The following LEPR variants were observed in gnomAD, a reference collection of about 807,000 sequenced individuals.
The protein encoded by LEPR is leptin receptor.
In LEPR, 56 loss-of-function variants were observed where a neutral mutation model predicts 114.7. The observed-to-expected ratio is 0.49, with a 90% confidence interval of 0.39 to 0.61. The LOEUF (loss-of-function observed/expected upper bound fraction) is 0.61. LEPR is among the 20% of genes least tolerant of loss of function. LEPR has a pLI of 0.00. For missense variants in LEPR, 1,202 were observed against 1,352.9 expected (o/e 0.89, Z 1.75); for synonymous variants, 443 against 461.4 (o/e 0.96, Z 0.51).
chr1:65,608,387 C>T (rs374746877), intron 11 of LEPR, among the ~76,000 whole-genome samples: 8 of 152,120 alleles, frequency 5.3e-5, no homozygotes, highest in Admixed American at 2.0e-4. Flanking sequence ...CCCGCCACCA[C>T]GCGTGGCTAA....
intron 2 of LEPR, among the ~76,000 whole-genome samples, chr1:65,450,251 T>G (rs936069570): frequency 7.2e-5 from 11 of 152,236 alleles, no homozygotes; most frequent in Non-Finnish European, 1.5e-4. Context: ...ATTTTTTTTT[T>G]GTTCCAGATT....
chr1:65,567,883 C>T lies in LEPR; in HGVS notation c.40+2278C>T, dbSNP rs1257399130. ...TCCCCCCTCAGAGTGGTACATTTGTCACAATTGATGAACCCATACTGACAT... is the reference window on the plus strand; with the variant it reads ...TCCCCCCTCAGAGTGGTACATTTGTTACAATTGATGAACCCATACTGACAT... On this transcript the variant is annotated intron_variant, in intron 3 of 19. Coordinates refer to ENST00000349533, the MANE Select transcript of LEPR (RefSeq NM_002303.6). 2.1e-5 allele frequency among the ~76,000 whole-genome samples: 3 copies of T among 145,638 alleles called. No homozygotes were observed. The East Asian group carries it at 6.6e-4, about 32-fold the overall frequency.
chr1:65,528,040 C>G (rs951937298), intron 2 of LEPR, among the ~76,000 whole-genome samples: 1 of 151,694 alleles, frequency 6.6e-6, no homozygotes, highest in Non-Finnish European at 1.5e-5. Flanking sequence ...ACTCTCTCAG[C>G]AATTTACTGA....
intron 2 of LEPR, among the ~76,000 whole-genome samples, chr1:65,548,709 T>C (rs1481405285): frequency 6.6e-5 from 10 of 152,080 alleles, no homozygotes; most frequent in African/African-American, 1.2e-4. Flanking sequence ...TGTCTCTGCA[T>C]GTGAGATGGG....
At chr1:65,433,303 G>A in intron 2 of LEPR, 1 of 985,342 alleles carries the variant, frequency 1.0e-6, no homozygotes, top group South Asian at 4.7e-5. Flanking sequence ...TGATGTACTT[G>A]TCTTCCGTCC....
chr1:65,575,260 T>TCTTTGCTA (rs1654502473), intron 5 of LEPR, among the ~76,000 whole-genome samples: 1 of 151,764 alleles, frequency 6.6e-6, no homozygotes, highest in African/African-American at 2.4e-5. Flanking sequence ...GTTTGCAGAG[T>TCTTTGCTA]TCCAGCCCCA....
At chr1:65,509,729 A>C (rs1648939023) in intron 2 of LEPR, among the ~76,000 whole-genome samples, 1 of 152,102 alleles carries the variant, frequency 6.6e-6, no homozygotes, top group Admixed American at 6.5e-5. Flanking sequence ...TTAAATTTTT[A>C]TCTGTTTAAA....
At chr1:65,454,801 C>T (rs1646844090) in intron 2 of LEPR, among the ~76,000 whole-genome samples, 1 of 152,144 alleles carries the variant, frequency 6.6e-6, no homozygotes, top group Non-Finnish European at 1.5e-5. Context: ...GTGGCGTTCT[C>T]TGTATTTCCT....
At chr1:65,595,430 T>G (rs1447415808) in intron 6 of LEPR, among the ~76,000 whole-genome samples, 2 of 152,120 alleles carry the variant, frequency 1.3e-5, no homozygotes, top group Non-Finnish European at 2.9e-5. Context: ...ATTGTAATTT[T>G]ACTTTTCTTT....
At chr1:65,514,230 A>G (rs1649172520) in intron 2 of LEPR, among the ~76,000 whole-genome samples, 1 of 151,852 alleles carries the variant, frequency 6.6e-6, no homozygotes, top group Admixed American at 6.6e-5. Flanking sequence ...TCAAGGAAAT[A>G]TGATTCTGCC....
intron 8 of LEPR, among the ~76,000 whole-genome samples, chr1:65,600,249 G>A (rs1441796492): frequency 2.0e-5 from 3 of 152,118 alleles, no homozygotes; most frequent in Non-Finnish European, 2.9e-5. Flanking sequence ...TAATGTACAA[G>A]TGAAGCTTGA....
At chr1:65,611,349 T>C (rs924776094) in intron 14 of LEPR, among the ~76,000 whole-genome samples, 1 of 152,222 alleles carries the variant, frequency 6.6e-6, no homozygotes, top group South Asian at 2.1e-4. Context: ...TCTGAGAGAT[T>C]GAGTGGGCGG....
intron 19 of LEPR, chr1:65,630,198 A>T: frequency 3.6e-6 from 1 of 279,046 alleles, no homozygotes; most frequent in Non-Finnish European, 7.0e-6. Context: ...TCCTTTTTAA[A>T]CAGATGCTTG....
chr1:65,462,917 T>G (rs999184784), intron 2 of LEPR, among the ~76,000 whole-genome samples: 1 of 152,226 alleles, frequency 6.6e-6, no homozygotes, highest in Non-Finnish European at 1.5e-5. Flanking sequence ...ATGGGTAGAT[T>G]GCAAAGATTT....
At chr1:65,485,611 A>ACT (rs149629398) in intron 2 of LEPR, among the ~76,000 whole-genome samples, 2 of 149,980 alleles carry the variant, frequency 1.3e-5, no homozygotes, top group Non-Finnish European at 3.0e-5. Context: ...AGACACACAA[A>ACT]CTCTCTCTCT....
upstream of LEPR, chr1:65,420,660 G>T: frequency 6.5e-7 from 1 of 1,549,018 alleles, no homozygotes; most frequent in East Asian, 2.4e-5. Flanking sequence ...TCCCGGTCTG[G>T]CTTGGGCAGG....
rs893920149 is a variant in LEPR at position 65,565,538 on chromosome 1, T to C, written c.-20-8T>C. 1 of 1,613,512 alleles carries C rather than the reference T, an allele frequency of 6.2e-7. No individual in the cohort carries two copies. The highest frequency in any genetic ancestry group is 8.5e-7 in the Non-Finnish European group (1 of 1,179,754). On this transcript the variant is annotated splice_polypyrimidine_tract_variant and splice_region_variant and intron_variant, in intron 2 of 19. Transcript: ENST00000349533. Reference sequence around the variant, plus strand: ...TGTGTGTTCTGATTTTAGATTTACCTTTTCCAGGTGTACTTCTCTGAAGTA... The same window carrying C: ...TGTGTGTTCTGATTTTAGATTTACCCTTTCCAGGTGTACTTCTCTGAAGTA...
Position 65,570,789 on chromosome 1 carries a change from T to G in LEPR, c.357T>G (p.Val119=). ...KTFVSTVNSL[V]FQQIDANWNI... is the part of the protein sequence containing the mutation. Reference sequence around the variant, plus strand: ...TTGTTTCAACAGTAAATTCTTTAGTTTTTCAACAAATAGGTAAGCATTAGC... The same window carrying G: ...TTGTTTCAACAGTAAATTCTTTAGTGTTTCAACAAATAGGTAAGCATTAGC... The change falls in exon 4 of 20, where the codon GTT becomes GTG. Residue 119 remains valine (V), a synonymous_variant. Coordinates refer to ENST00000349533, the MANE Select transcript of LEPR (RefSeq NM_002303.6). 1 of 1,557,104 alleles carries G rather than the reference T, an allele frequency of 6.4e-7. No homozygotes were observed. Among genetic ancestry groups the G allele is most frequent in the South Asian group, 1.2e-5 (1 of 80,648 alleles).
chr1:65,499,205 CTG>C (rs919690801), intron 2 of LEPR, among the ~76,000 whole-genome samples: 1 of 152,000 alleles, frequency 6.6e-6, no homozygotes, highest in Non-Finnish European at 1.5e-5. Context: ...GAGTGAGACA[CTG>C]TATTTTAGGA....
Sources: gnomAD v4.1 joint callset for allele counts (sites outside exome capture counted in the v4.1 genomes callset) on GRCh38, gnomAD v4.1.1 for gene constraint, MANE v1.5 for transcripts, NCBI Gene and HGNC (gene_info 2026-07-23, HGNC 2026-07-21) for gene names.